Variants in NKAIN3 observed in about 807,000 individuals in gnomAD.
NKAIN3 encodes sodium/potassium transporting ATPase interacting 3.
NKAIN3 carries 25 observed loss-of-function variants against 30.2 expected under a neutral mutation model. That is an observed-to-expected ratio of 0.83 (90% confidence interval 0.60 to 1.16). The LOEUF (loss-of-function observed/expected upper bound fraction) is 1.16, where lower values mean the gene tolerates loss of function less well. Ranked by LOEUF, NKAIN3 falls within the 50% of genes most tolerant of loss-of-function variation. The probability of loss-of-function intolerance (pLI) is 0.00; values close to 1 mark genes in which losing one functional copy is unlikely to be tolerated. For missense variants in NKAIN3, 225 were observed against 254.1 expected (o/e 0.89, Z 0.78); for synonymous variants, 91 against 89.6 (o/e 1.02, Z -0.09).
intron 4 of NKAIN3, among the ~76,000 whole-genome samples, chr8:62,793,782 C>T (rs906310548): frequency 1.1e-4 from 17 of 152,244 alleles, no homozygotes; most frequent in Admixed American, 9.8e-4. Context: ...AGTTTCAGCT[C>T]TAAGAACATC....
At chr8:62,933,615 A>G (rs1563634500) in intron 5 of NKAIN3, among the ~76,000 whole-genome samples, 1 of 152,194 alleles carries the variant, frequency 6.6e-6, no homozygotes, top group Non-Finnish European at 1.5e-5. Context: ...GAAATTCATT[A>G]TCCTATTATT....
At chr8:62,344,132 C>T (rs1225817774) in intron 1 of NKAIN3, among the ~76,000 whole-genome samples, 1 of 151,960 alleles carries the variant, frequency 6.6e-6, no homozygotes, top group Non-Finnish European at 1.5e-5. Flanking sequence ...ATTGTGGCTT[C>T]TGGGGCAACA....
chr8:62,739,238 C>G (rs577783630), intron 3 of NKAIN3, among the ~76,000 whole-genome samples: 15 of 151,700 alleles, frequency 9.9e-5, no homozygotes, highest in Admixed American at 9.2e-4. Flanking sequence ...ATTCTGCACA[C>G]ATAACCCAGA....
At chr8:62,915,746 A>T (rs1380753416) in intron 4 of NKAIN3, among the ~76,000 whole-genome samples, 1 of 152,200 alleles carries the variant, frequency 6.6e-6, no homozygotes. Flanking sequence ...ATGGTTTAGT[A>T]AGAAAATGTC....
chr8:62,884,633 G>A (rs980442744), intron 4 of NKAIN3, among the ~76,000 whole-genome samples: 1 of 151,866 alleles, frequency 6.6e-6, no homozygotes, highest in Non-Finnish European at 1.5e-5. Flanking sequence ...GGTGCTTTTT[G>A]TTTGGGAAGA....
intron 1 of NKAIN3, among the ~76,000 whole-genome samples, chr8:62,342,413 G>C (rs1207707385): frequency 6.6e-6 from 1 of 151,996 alleles, no homozygotes; most frequent in Non-Finnish European, 1.5e-5. Flanking sequence ...ACAGGCTTGG[G>C]TATCCTTTTG....
intron 3 of NKAIN3, among the ~76,000 whole-genome samples, chr8:62,713,754 A>G (rs1441929463): frequency 6.6e-6 from 1 of 152,190 alleles, no homozygotes; most frequent in Non-Finnish European, 1.5e-5. Flanking sequence ...GAACTTTGAT[A>G]TATAGACTCT....
chr8:62,339,293 G>A (rs1815665457), intron 1 of NKAIN3, among the ~76,000 whole-genome samples: 1 of 151,230 alleles, frequency 6.6e-6, no homozygotes, highest in South Asian at 2.1e-4. Context: ...CCATAGTAAG[G>A]CGTTTAGAGT....
intron 1 of NKAIN3, among the ~76,000 whole-genome samples, chr8:62,331,702 CT>C (rs1815365440): frequency 6.6e-6 from 1 of 152,072 alleles, no homozygotes; most frequent in Admixed American, 6.6e-5. Context: ...GGAAAGTGAA[CT>C]ATCAAGCATG....
At chr8:62,726,867 T>A (rs1815275312) in intron 3 of NKAIN3, among the ~76,000 whole-genome samples, 1 of 152,060 alleles carries the variant, frequency 6.6e-6, no homozygotes, top group Non-Finnish European at 1.5e-5. Context: ...CCAGCATTAC[T>A]GTAATACCAA....
At chr8:62,635,829 T>G (rs1812110127) in intron 3 of NKAIN3, among the ~76,000 whole-genome samples, 2 of 152,170 alleles carry the variant, frequency 1.3e-5, no homozygotes, top group South Asian at 4.1e-4. Flanking sequence ...GCAGCCTAAA[T>G]GGACTACGAC....
rs544281401 is a variant in NKAIN3, at chr8:62,543,113, G to A, written c.55-36426G>A. 4.8e-4 allele frequency among the ~76,000 whole-genome samples: 73 copies of A among 152,196 alleles called. 1 individual carries two copies. The South Asian group carries it at 8.1e-3, about 17-fold the overall frequency. On this transcript the variant is annotated intron_variant, in intron 1 of 6. Coordinates refer to ENST00000623646, the MANE Select transcript of NKAIN3 (RefSeq NM_001304533.3). The stretch of plus-strand genomic sequence containing the variant: ...TTCTCTCAACATTCAGTCTCTTTGC[G>A]ACATAACCCATACTTGAAGGGGTGA...
chr8:62,395,704 A>T (rs930583375), intron 1 of NKAIN3, among the ~76,000 whole-genome samples: 1 of 152,200 alleles, frequency 6.6e-6, no homozygotes, highest in Non-Finnish European at 1.5e-5. Flanking sequence ...TTCATTAGCA[A>T]CATATCTTAA....
intron 3 of NKAIN3, among the ~76,000 whole-genome samples, chr8:62,708,472 T>C (rs1438680073): frequency 6.6e-6 from 1 of 152,108 alleles, no homozygotes; most frequent in African/African-American, 2.4e-5. Flanking sequence ...AATTATTTTA[T>C]TTTTTGCAGC....
chr8:62,941,353 C>G (rs938846504), intron 5 of NKAIN3, among the ~76,000 whole-genome samples: 1 of 152,048 alleles, frequency 6.6e-6, no homozygotes, highest in Non-Finnish European at 1.5e-5. Flanking sequence ...ACTATTGACA[C>G]TATTCCACAA....
At position 62,426,852 on chromosome 8, in the gene NKAIN3, C is replaced by T. The variant is rs182376993; in HGVS notation, c.55-152687C>T. Among the ~76,000 whole-genome samples, 287 of 152,048 alleles carry T rather than the reference C, an allele frequency of 1.9e-3. 1 individual carries two copies. Among genetic ancestry groups the T allele is most frequent in the African/African-American group, 6.5e-3 (270 of 41,496 alleles). ...CCATGTCAAGTTGTTATCTCAGAAG[C>T]GCCTGGCTAGCAGGAAGAAATTATG... On this transcript the variant is annotated intron_variant, in intron 1 of 6. Coordinates refer to ENST00000623646, the MANE Select transcript of NKAIN3 (RefSeq NM_001304533.3).
intron 2 of NKAIN3, among the ~76,000 whole-genome samples, chr8:62,580,924 A>ATG (rs1412148236): frequency 6.8e-6 from 1 of 148,022 alleles, no homozygotes; most frequent in East Asian, 2.0e-4. Context: ...ATATATATAT[A>ATG]TAGAAATCCA....
At chr8:62,337,584 T>TATATATAA (rs1353178487) in intron 1 of NKAIN3, among the ~76,000 whole-genome samples, 287 of 151,350 alleles carry the variant, frequency 1.9e-3, no homozygotes, top group African/African-American at 5.8e-3. Context: ...CATATATATA[T>TATATATAA]AACACAACAC....
chr8:62,448,942 G>A (rs1417955664), intron 1 of NKAIN3, among the ~76,000 whole-genome samples: 5 of 151,866 alleles, frequency 3.3e-5, no homozygotes, highest in African/African-American at 1.2e-4. Context: ...CTTATCCAAT[G>A]TCTATTGAAG....
Sources: allele counts gnomAD v4.1 joint callset (sites outside exome capture counted in the v4.1 genomes callset), GRCh38; gene constraint gnomAD v4.1.1; transcripts MANE v1.5; gene names NCBI Gene and HGNC (gene_info 2026-07-23, HGNC 2026-07-21).